ZBTB20: variants seen among roughly 807,000 people sequenced by gnomAD.
The protein encoded by ZBTB20 is zinc finger and BTB domain-containing protein 20.
Under a neutral mutation model 56.9 loss-of-function variants are expected in ZBTB20, and 9 were observed. That is an observed-to-expected ratio of 0.16 (90% CI 0.10 to 0.28). The LOEUF is 0.28. ZBTB20 is among the 10% of genes least tolerant of loss of function. The probability of loss-of-function intolerance (pLI) is 1.00; values close to 1 mark genes in which losing one functional copy is unlikely to be tolerated. For missense variants in ZBTB20, 655 were observed against 1,003.0 expected, an observed-to-expected ratio of 0.65 and a Z score of 4.69; for synonymous variants, 417 against 420.7, an observed-to-expected ratio of 0.99 and a Z score of 0.11.
intron 1 of ZBTB20, among the ~76,000 whole-genome samples, chr3:115,128,254 G>GA (rs1256327687): frequency 6.6e-6 from 1 of 152,188 alleles, no homozygotes; most frequent in Non-Finnish European, 1.5e-5. Flanking sequence ...AGTAGAAGGT[G>GA]AAAACGGGTT....
chr3:114,456,657 A>G (rs893446164), intron 7 of ZBTB20, among the ~76,000 whole-genome samples: 2 of 152,190 alleles, frequency 1.3e-5, no homozygotes, highest in Non-Finnish European at 2.9e-5. Context: ...AAGTGATGGT[A>G]TCTTTTTCGG....
intron 1 of ZBTB20, among the ~76,000 whole-genome samples, chr3:115,095,729 G>A (rs370689237): frequency 6.6e-6 from 1 of 152,198 alleles, no homozygotes; most frequent in South Asian, 2.1e-4. Context: ...AGAACTAGGG[G>A]AGCTCAAGGA....
At chr3:114,525,098 T>A (rs976095917) in intron 6 of ZBTB20, among the ~76,000 whole-genome samples, 1 of 152,208 alleles carries the variant, frequency 6.6e-6, no homozygotes, top group African/African-American at 2.4e-5. Flanking sequence ...CTCAGATTAA[T>A]GTTCTTCATG....
At chr3:114,835,761 T>C (rs1252885637) in intron 4 of ZBTB20, among the ~76,000 whole-genome samples, 1 of 152,190 alleles carries the variant, frequency 6.6e-6, no homozygotes, top group Non-Finnish European at 1.5e-5. Context: ...TAATTCCTCA[T>C]GCCAGGCACT....
chr3:114,323,490 C>T lies in ZBTB20; in HGVS notation c.*15515G>A, dbSNP rs1430628328. ...AGCATAATCAGGCTGAAAAGTAATT[C>T]CAATATGGACAAGGCTATGTGTTTT... is the stretch of plus-strand genomic sequence containing the variant. On this transcript the variant is annotated 3_prime_UTR_variant, in exon 12 of 12. Transcript: ENST00000675478. 1 of 152,182 alleles carries T rather than the reference C, an allele frequency of 6.6e-6. No individual in the cohort carries two copies. The highest frequency in any genetic ancestry group is 1.9e-4 in the East Asian group (1 of 5,192). 9.4% of individuals were successfully genotyped at this position (152,182 alleles called of 1,614,324 possible).
At chr3:114,484,169 T>G (rs80298806) in intron 7 of ZBTB20, among the ~76,000 whole-genome samples, 1 of 152,308 alleles carries the variant, frequency 6.6e-6, no homozygotes, top group African/African-American at 2.4e-5. Flanking sequence ...TTGTGCATTG[T>G]TTCTATATGG....
At chr3:115,040,579 A>C (rs1428803530) in intron 2 of ZBTB20, among the ~76,000 whole-genome samples, 3 of 152,178 alleles carry the variant, frequency 2.0e-5, no homozygotes, top group African/African-American at 7.2e-5. Context: ...AAATTTGGTA[A>C]AGCTGAAATG....
intron 7 of ZBTB20, among the ~76,000 whole-genome samples, chr3:114,394,043 A>G (rs1368917437): frequency 6.6e-6 from 1 of 152,164 alleles, no homozygotes; most frequent in Non-Finnish European, 1.5e-5. Flanking sequence ...ATCGTTCTAA[A>G]ATTATAGATG....
At chr3:115,023,557 T>C (rs988677808) in intron 2 of ZBTB20, among the ~76,000 whole-genome samples, 2 of 150,978 alleles carry the variant, frequency 1.3e-5, no homozygotes, top group South Asian at 2.1e-4. Context: ...CCATAAGGAA[T>C]TGAAATATGC....
chr3:114,317,319 C>T lies in ZBTB20; in HGVS notation c.*21686G>A, dbSNP rs1445073966. On this transcript the variant is annotated 3_prime_UTR_variant, in exon 12 of 12. Transcript: ENST00000675478. ...CAGTCTCTGAAAGGAACTCGAGGCC[C>T]TTCAGCACCAGAGATCTTCAGGAAT... The T allele has an allele frequency of 6.6e-6, 1 of 152,168 alleles. No homozygotes were observed. Among genetic ancestry groups the T allele is most frequent in the African/African-American group, 2.4e-5 (1 of 41,424 alleles). The allele number at this position is 152,168 out of a possible 1,614,324, so 9.4% of individuals were successfully genotyped here. A position where few individuals can be genotyped will look rare whatever the true frequency, so the allele number is the denominator to read the frequency against.
At chr3:114,814,976 A>G (rs138940140) in intron 4 of ZBTB20, among the ~76,000 whole-genome samples, 1 of 152,314 alleles carries the variant, frequency 6.6e-6, no homozygotes, top group East Asian at 1.9e-4. Context: ...ATGTTTCTAT[A>G]GTACTTCTAA....
chr3:114,471,070 A>G (rs2040072942), intron 7 of ZBTB20, among the ~76,000 whole-genome samples: 1 of 152,220 alleles, frequency 6.6e-6, no homozygotes, highest in African/African-American at 2.4e-5. Flanking sequence ...TGTGTATAAA[A>G]TGCTGAAAAG....
At chr3:115,033,383 A>G (rs900372215) in intron 2 of ZBTB20, among the ~76,000 whole-genome samples, 7 of 151,636 alleles carry the variant, frequency 4.6e-5, no homozygotes, top group Non-Finnish European at 1.0e-4. Flanking sequence ...AAATCTCCCA[A>G]TAAAGAAAAG....
chr3:114,990,350 A>G (rs2078746418), intron 2 of ZBTB20, among the ~76,000 whole-genome samples: 1 of 152,112 alleles, frequency 6.6e-6, no homozygotes, highest in South Asian at 2.1e-4. Flanking sequence ...TTCTGCATCT[A>G]TTGAGATAAT....
At chr3:114,876,733 C>A (rs1267898128) in intron 4 of ZBTB20, among the ~76,000 whole-genome samples, 2 of 152,132 alleles carry the variant, frequency 1.3e-5, no homozygotes, top group Non-Finnish European at 2.9e-5. Flanking sequence ...GAGAATTCTG[C>A]AACTCTGCTT....
chr3:114,815,173 C>G (rs1483142654), intron 4 of ZBTB20, among the ~76,000 whole-genome samples: 2 of 152,110 alleles, frequency 1.3e-5, no homozygotes, highest in Non-Finnish European at 2.9e-5. Context: ...CAATAAAATA[C>G]TTTTCTTTTA....
At chr3:114,448,449 A>G (rs2091405685) in intron 7 of ZBTB20, among the ~76,000 whole-genome samples, 1 of 152,090 alleles carries the variant, frequency 6.6e-6, no homozygotes, top group African/African-American at 2.4e-5. Context: ...CGGGTGGTAC[A>G]GTGAGGGCAA....
rs569336657 is a variant in ZBTB20 at position 115,012,381 on chromosome 3, C to T, written c.-506-37965G>A. 2.6e-5 allele frequency among the ~76,000 whole-genome samples: 4 copies of T among 151,794 alleles called. No homozygotes were observed. In the South Asian group the frequency reaches 8.3e-4, roughly 32 times the overall value. ...AAATAAAAGGATGGGAAAAGATATT[C>T]CATGCCAATGGAAACTAAAAAAGAG... is the stretch of plus-strand genomic sequence containing the variant. On this transcript the variant is annotated intron_variant, in intron 2 of 11. Coordinates refer to ENST00000675478, the MANE Select transcript of ZBTB20 (RefSeq NM_001348800.3).
chr3:114,913,843 T>C (rs1336707626), intron 3 of ZBTB20, among the ~76,000 whole-genome samples: 2 of 152,010 alleles, frequency 1.3e-5, no homozygotes, highest in African/African-American at 4.8e-5. Flanking sequence ...GAGACTGCCC[T>C]TTCCCCAATG....
Sources: allele counts gnomAD v4.1 joint callset (sites outside exome capture counted in the v4.1 genomes callset), GRCh38; gene constraint gnomAD v4.1.1; transcripts MANE v1.5; gene names NCBI Gene and HGNC (gene_info 2026-07-23, HGNC 2026-07-21).